Variants in ELMO1 observed in about 807,000 individuals in gnomAD.
ELMO1 encodes the protein engulfment and cell motility protein 1.
A neutral mutation model predicts 98.9 loss-of-function variants in ELMO1; 26 were observed. The observed-to-expected ratio is 0.26, with a 90% CI of 0.19 to 0.36. The LOEUF is 0.36. Among genes scored for constraint, ELMO1 ranks in the 10% least tolerant of loss-of-function variants. The pLI, the probability that ELMO1 is intolerant of heterozygous loss-of-function variation, is 1.00. For synonymous variants in ELMO1, 346 were observed against 346.0 expected (o/e 1.00, Z 0.00); for missense variants, 627 against 935.2 (o/e 0.67, Z 4.30).
chr7:36,975,631 G>A (rs1450999192), intron 16 of ELMO1, among the ~76,000 whole-genome samples: 1 of 152,070 alleles, frequency 6.6e-6, no homozygotes, highest in Non-Finnish European at 1.5e-5. Context: ...TGGATCACCT[G>A]AGGTTAGGAG....
chr7:37,445,509 G>A (rs1165322113), intron 1 of ELMO1, among the ~76,000 whole-genome samples: 1 of 152,152 alleles, frequency 6.6e-6, no homozygotes, highest in African/African-American at 2.4e-5. Flanking sequence ...GTGATCAGGT[G>A]AGCTCCTTGC....
chr7:37,164,824 C>G (rs1789527348), intron 13 of ELMO1, among the ~76,000 whole-genome samples: 1 of 150,286 alleles, frequency 6.7e-6, no homozygotes, highest in African/African-American at 2.4e-5. Context: ...AATGCGGGCT[C>G]TTTTTTGGTT....
At chr7:36,898,466 G>C (rs1224219500) in intron 16 of ELMO1, among the ~76,000 whole-genome samples, 1 of 152,112 alleles carries the variant, frequency 6.6e-6, no homozygotes, top group Non-Finnish European at 1.5e-5. Context: ...CTGTAATAAT[G>C]TTACACATTA....
intron 4 of ELMO1, among the ~76,000 whole-genome samples, chr7:37,288,783 T>C (rs192219694): frequency 9.2e-5 from 14 of 152,366 alleles, no homozygotes; most frequent in African/African-American, 3.1e-4. Context: ...CTGGAAACCA[T>C]GTACACCCAC....
At chr7:36,973,889 G>C (rs973771380) in intron 16 of ELMO1, among the ~76,000 whole-genome samples, 1 of 152,234 alleles carries the variant, frequency 6.6e-6, no homozygotes, top group East Asian at 1.9e-4. Context: ...CCGGGCCAGC[G>C]GCTGCAGAGG....
intron 15 of ELMO1, among the ~76,000 whole-genome samples, chr7:37,085,003 C>G (rs1012376055): frequency 1.3e-5 from 2 of 152,060 alleles, no homozygotes; most frequent in South Asian, 4.1e-4. Flanking sequence ...GTAATCTGCC[C>G]GCCTCAGCCT....
At chr7:37,280,605 A>G (rs989255724) in intron 4 of ELMO1, among the ~76,000 whole-genome samples, 3 of 152,230 alleles carry the variant, frequency 2.0e-5, no homozygotes, top group African/African-American at 4.8e-5. Flanking sequence ...AAAATGCTCA[A>G]CATCCCTAAT....
intron 16 of ELMO1, among the ~76,000 whole-genome samples, chr7:36,962,932 G>A (rs1789085184): frequency 6.6e-6 from 1 of 152,008 alleles, no homozygotes; most frequent in Non-Finnish European, 1.5e-5. Context: ...TTGGAAAAGT[G>A]AGAAAATTGG....
At chr7:37,069,961 A>C (rs907077924) in intron 15 of ELMO1, among the ~76,000 whole-genome samples, 1 of 152,164 alleles carries the variant, frequency 6.6e-6, no homozygotes, top group African/African-American at 2.4e-5. Flanking sequence ...TTGCTTGAAA[A>C]TGAGAATTTT....
chr7:37,206,320 T>C (rs1185846598), intron 13 of ELMO1, among the ~76,000 whole-genome samples: 1 of 152,198 alleles, frequency 6.6e-6, no homozygotes, highest in Non-Finnish European at 1.5e-5. Context: ...GTCAAGTACC[T>C]TGCCCAAGTC....
intron 4 of ELMO1, among the ~76,000 whole-genome samples, chr7:37,292,629 G>A: frequency 9.3e-6 from 1 of 107,850 alleles, no homozygotes; most frequent in African/African-American, 3.0e-5. Flanking sequence ...GAGCGTCTCT[G>A]CCTGGACGCC....
intron 15 of ELMO1, among the ~76,000 whole-genome samples, chr7:37,035,774 G>C (rs1297394108): frequency 6.6e-6 from 1 of 152,176 alleles, no homozygotes; most frequent in Non-Finnish European, 1.5e-5. Flanking sequence ...ATTTTTCACT[G>C]TAATACACAA....
chr7:36,904,187 G>A (rs559287993), intron 16 of ELMO1, among the ~76,000 whole-genome samples: 1 of 152,382 alleles, frequency 6.6e-6, no homozygotes, highest in East Asian at 1.9e-4. Context: ...CCCTGAGCAG[G>A]CAGGCTTGTG....
At chr7:36,965,399 A>T (rs1470616608) in intron 16 of ELMO1, among the ~76,000 whole-genome samples, 3 of 152,218 alleles carry the variant, frequency 2.0e-5, no homozygotes, top group Non-Finnish European at 2.9e-5. Context: ...TAGGTTATAC[A>T]GAAGAAACCT....
intron 13 of ELMO1, among the ~76,000 whole-genome samples, chr7:37,200,267 A>G (rs1424010289): frequency 7.3e-6 from 1 of 137,092 alleles, no homozygotes; most frequent in Non-Finnish European, 1.6e-5. Context: ...TTTTGTAGAG[A>G]CAAGAGTGTG....
chr7:36,946,729 T>A (rs761353971), intron 16 of ELMO1, among the ~76,000 whole-genome samples: 1 of 152,170 alleles, frequency 6.6e-6, no homozygotes, highest in African/African-American at 2.4e-5. Flanking sequence ...TGGGAGTTCA[T>A]CTTCTCCTGC....
At chr7:37,144,428 G>T (rs1787851976) in intron 13 of ELMO1, among the ~76,000 whole-genome samples, 1 of 152,094 alleles carries the variant, frequency 6.6e-6, no homozygotes, top group African/African-American at 2.4e-5. Context: ...AGCCCAGCAA[G>T]CCCAGCAACT....
intron 18 of ELMO1, among the ~76,000 whole-genome samples, chr7:36,884,078 T>A (rs1188579080): frequency 3.9e-5 from 6 of 152,088 alleles, no homozygotes; most frequent in Non-Finnish European, 1.5e-5. Context: ...TCCCAGCACT[T>A]TGGGAGGCAA....
intron 13 of ELMO1, among the ~76,000 whole-genome samples, chr7:37,208,972 G>A (rs536039062): frequency 1.3e-5 from 2 of 151,684 alleles, no homozygotes; most frequent in African/African-American, 2.4e-5. Context: ...CCTCATAAGC[G>A]CTAAAGGCCT....
Sources: gnomAD v4.1 joint callset for allele counts (sites outside exome capture counted in the v4.1 genomes callset) on GRCh38, gnomAD v4.1.1 for gene constraint, MANE v1.5 for transcripts, NCBI Gene and HGNC (gene_info 2026-07-23, HGNC 2026-07-21) for gene names.